Variants in GPR19 observed in about 807,000 individuals in gnomAD.
GPR19 encodes the protein probable G protein-coupled receptor 19.
In GPR19, 14 loss-of-function variants were observed where a neutral mutation model predicts 28.5. That is an observed-to-expected ratio of 0.49 (90% CI 0.32 to 0.77). GPR19 has a LOEUF of 0.77. GPR19 is among the 30% of genes least tolerant of loss of function. GPR19 has a pLI of 0.03. For synonymous variants in GPR19, 173 were observed against 184.1 expected (o/e 0.94, Z 0.49); for missense variants, 409 against 504.1 (o/e 0.81, Z 1.81).
chr12:12,668,482 G>A (rs988604703), intron 3 of GPR19, among the ~76,000 whole-genome samples: 1 of 151,948 alleles, frequency 6.6e-6, no homozygotes, highest in Non-Finnish European at 1.5e-5. Context: ...TGCATCAACT[G>A]TTGGATAGGT....
chr12:12,664,918 TCA>T (rs1945741428), intron 3 of GPR19, among the ~76,000 whole-genome samples: 1 of 24,082 alleles, frequency 4.2e-5, no homozygotes, highest in African/African-American at 2.2e-4. Context: ...AGACGCCATC[TCA>T]AAAAAAAAAA....
In GPR19 at chr12:12,681,101, C is replaced by CT. The variant is rs1203012286; in HGVS notation, c.-23+3249dup. ...GCGTGAGTTATGGCACTCAGCCTCC[C>CT]TTTTTCTTTTTAAGCCATCCTCTCA... On this transcript the variant is annotated intron_variant, in intron 3 of 3. Coordinates refer to ENST00000651487, the MANE Select transcript of GPR19 (RefSeq NM_006143.3). 2.1e-4 allele frequency among the ~76,000 whole-genome samples: 32 copies of CT among 152,266 alleles called. No homozygotes were observed. In the East Asian group the frequency reaches 6.0e-3, roughly 29 times the overall value.
At chr12:12,694,267 C>T (rs1410695095) in intron 2 of GPR19, among the ~76,000 whole-genome samples, 2 of 124,834 alleles carry the variant, frequency 1.6e-5, no homozygotes, top group African/African-American at 3.0e-5. Context: ...GGCGTGATCT[C>T]GGTTCACTGC....
At chr12:12,679,454 C>T (rs1340669404) in intron 3 of GPR19, among the ~76,000 whole-genome samples, 2 of 149,104 alleles carry the variant, frequency 1.3e-5, no homozygotes, top group African/African-American at 2.5e-5. Flanking sequence ...AAAAATTAGC[C>T]GGGCATGGTG....
chr12:12,712,341 C>T, the GPR19 span, among the ~76,000 whole-genome samples: 291 of 152,350 alleles, frequency 1.9e-3, 5 homozygotes, highest in East Asian at 0.014. Context: ...CCCCATCTCA[C>T]AAATCCAAAC....
chr12:12,675,807 C>A (rs1432965814), intron 3 of GPR19, among the ~76,000 whole-genome samples: 1 of 152,084 alleles, frequency 6.6e-6, no homozygotes, highest in Non-Finnish European at 1.5e-5. Flanking sequence ...CCTGACTGAG[C>A]CTGGAAGGGC....
At chr12:12,685,494 G>T (rs780356819) in intron 2 of GPR19, among the ~76,000 whole-genome samples, 2 of 152,074 alleles carry the variant, frequency 1.3e-5, no homozygotes, top group Non-Finnish European at 2.9e-5. Flanking sequence ...CTTTGCTGAC[G>T]TCCTAGTTGC....
chr12:12,704,805 T>C, the GPR19 span, among the ~76,000 whole-genome samples: 6 of 152,118 alleles, frequency 3.9e-5, no homozygotes, highest in Admixed American at 3.9e-4. Flanking sequence ...ATGTTCCGAA[T>C]TGGGGGAGGG....
At chr12:12,694,896 T>A (rs758309651) in intron 2 of GPR19, among the ~76,000 whole-genome samples, 17 of 152,232 alleles carry the variant, frequency 1.1e-4, no homozygotes, top group Admixed American at 7.8e-4. Flanking sequence ...CATTTTCCTA[T>A]GCACTTCACA....
At chr12:12,716,615 T>TG in the GPR19 span, 12 of 359,420 alleles carry the variant, frequency 3.3e-5, no homozygotes, top group Admixed American at 2.0e-4. Context: ...AGTTTTTTGT[T>TG]TTTTTTTTTT....
intron 3 of GPR19, among the ~76,000 whole-genome samples, chr12:12,670,217 C>A (rs1236981567): frequency 1.3e-5 from 2 of 152,108 alleles, no homozygotes; most frequent in Non-Finnish European, 2.9e-5. Context: ...AGATAAATAA[C>A]AAATAATTTT....
chr12:12,663,282 G>A (rs534781625), intron 3 of GPR19, among the ~76,000 whole-genome samples: 4 of 152,048 alleles, frequency 2.6e-5, no homozygotes, highest in Admixed American at 2.6e-4. Flanking sequence ...TGGCAGTCAG[G>A]TGATTAAAAA....
chr12:12,702,511 A>G, the GPR19 span, among the ~76,000 whole-genome samples: 4 of 152,176 alleles, frequency 2.6e-5, no homozygotes, highest in African/African-American at 9.7e-5. Context: ...ATCCATGGTA[A>G]ATATAGACCT....
the GPR19 span, among the ~76,000 whole-genome samples, chr12:12,701,342 T>G: frequency 6.6e-6 from 1 of 152,190 alleles, no homozygotes; most frequent in Non-Finnish European, 1.5e-5. Context: ...GGAAAAATAA[T>G]GAATGAAGCA....
chr12:12,716,766 GA>G, the GPR19 span: 1 of 985,358 alleles, frequency 1.0e-6, no homozygotes, highest in Non-Finnish European at 1.2e-6. Context: ...AGGGATGGCA[GA>G]AACTTCTGGG....
rs373752480 is a variant in GPR19, at chr12:12,687,963, AAAAG to A, written c.-179-3460_-179-3457del. On this transcript the variant is annotated intron_variant, in intron 2 of 3. Coordinates refer to ENST00000651487, the MANE Select transcript of GPR19 (RefSeq NM_006143.3). The stretch of plus-strand genomic sequence containing the variant: ...ACAGAGCTAGACTCCGTCTCTTAAA[AAAAG>A]AAAGTTCTTCTTTACAGAAAAATGC... Among the ~76,000 whole-genome samples the A allele has an allele frequency of 5.4e-4, 83 of 152,346 alleles. 1 individual carries two copies. In the South Asian group the frequency reaches 0.011, roughly 20 times the overall value.
At chr12:12,682,011 A>G (rs982797805) in intron 3 of GPR19, among the ~76,000 whole-genome samples, 4 of 152,174 alleles carry the variant, frequency 2.6e-5, no homozygotes. Context: ...TTCTATACAG[A>G]GTTCTAAGGA....
intron 3 of GPR19, among the ~76,000 whole-genome samples, chr12:12,669,767 A>T (rs564408001): frequency 2.0e-5 from 3 of 152,182 alleles, no homozygotes; most frequent in African/African-American, 7.2e-5. Flanking sequence ...AGGGCAGCCT[A>T]TCCTAAGTCC....
intron 3 of GPR19, among the ~76,000 whole-genome samples, chr12:12,667,524 C>T (rs1386338465): frequency 6.6e-6 from 1 of 152,022 alleles, no homozygotes; most frequent in Non-Finnish European, 1.5e-5. Context: ...AACCCCGTCT[C>T]TACTAAAAAT....
Sources: gnomAD v4.1 joint callset for allele counts (sites outside exome capture counted in the v4.1 genomes callset) on GRCh38, gnomAD v4.1.1 for gene constraint, MANE v1.5 for transcripts, NCBI Gene and HGNC (gene_info 2026-07-23, HGNC 2026-07-21) for gene names.